Variants in EYA4 observed in about 807,000 individuals in gnomAD.
EYA4 encodes EYA transcriptional coactivator and phosphatase 4.
In EYA4, 31 loss-of-function variants were observed where a neutral mutation model predicts 87.9. The observed-to-expected ratio is 0.35, with a 90% CI of 0.27 to 0.48. EYA4 has a LOEUF of 0.48. Ranked by LOEUF, EYA4 falls within the 20% of genes least tolerant of loss-of-function variation. EYA4 has a pLI of 0.99. For missense variants in EYA4, 678 were observed against 761.4 expected (o/e 0.89, Z 1.29); for synonymous variants, 263 against 270.6 (o/e 0.97, Z 0.28).
intron 2 of EYA4, among the ~76,000 whole-genome samples, chr6:133,330,064 G>C (rs1266797329): frequency 3.3e-5 from 5 of 151,926 alleles, no homozygotes; most frequent in African/African-American, 9.7e-5. Flanking sequence ...AAAAAGAAAA[G>C]GAATGGAAGG....
intron 1 of EYA4, among the ~76,000 whole-genome samples, chr6:133,263,409 C>G (rs191437930): frequency 6.6e-6 from 1 of 151,884 alleles, no homozygotes; most frequent in African/African-American, 2.4e-5. Context: ...TCCTCTTTCT[C>G]GGTCAGTTCT....
chr6:133,406,877 C>G (rs1428370825), intron 3 of EYA4, among the ~76,000 whole-genome samples: 1 of 152,000 alleles, frequency 6.6e-6, no homozygotes, highest in African/African-American at 2.4e-5. Flanking sequence ...GGGAGAAATG[C>G]AGAATAATTT....
At chr6:133,256,924 T>A (rs986215075) in intron 1 of EYA4, among the ~76,000 whole-genome samples, 27 of 152,110 alleles carry the variant, frequency 1.8e-4, no homozygotes, top group African/African-American at 6.3e-4. Context: ...TCCTCTTGCA[T>A]TGAATAAATA....
chr6:133,466,803 A>G (rs1430482385), intron 10 of EYA4, among the ~76,000 whole-genome samples: 1 of 150,594 alleles, frequency 6.6e-6, no homozygotes, highest in African/African-American at 2.4e-5. Context: ...GAGTTCAGTT[A>G]GTGCATGAGG....
chr6:133,435,561 C>T (rs1791581230), intron 3 of EYA4: 1 of 152,224 alleles, frequency 6.6e-6, no homozygotes, highest in South Asian at 2.1e-4. Context: ...AGCCACATCT[C>T]CCAGCCAGCC....
chr6:133,264,301 A>G (rs915714414), intron 1 of EYA4, among the ~76,000 whole-genome samples: 3 of 152,244 alleles, frequency 2.0e-5, no homozygotes, highest in African/African-American at 7.2e-5. Flanking sequence ...AGACACTGCC[A>G]TGGCTGCAGG....
At chr6:133,250,719 T>G (rs1774827894) in intron 1 of EYA4, among the ~76,000 whole-genome samples, 1 of 152,178 alleles carries the variant, frequency 6.6e-6, no homozygotes, top group Admixed American at 6.5e-5. Flanking sequence ...CTAACATTGA[T>G]GAGTTTGTAA....
intron 10 of EYA4, among the ~76,000 whole-genome samples, chr6:133,467,157 G>A (rs1316541759): frequency 6.6e-6 from 1 of 152,120 alleles, no homozygotes; most frequent in Non-Finnish European, 1.5e-5. Flanking sequence ...ATATTCCCCA[G>A]TGGGGAATAG....
At chr6:133,468,855 T>C in intron 11 of EYA4, 124 bp downstream of exon 11, 1 of 977,630 alleles carries the variant, frequency 1.0e-6, no homozygotes, top group Non-Finnish European at 1.6e-6. Context: ...GTTTAATCTG[T>C]GTTAGCATGA....
At chr6:133,342,574 C>CATATATCTATATATAT (rs1782862778) in intron 2 of EYA4, among the ~76,000 whole-genome samples, 1 of 100,470 alleles carries the variant, frequency 1.0e-5, no homozygotes, top group Non-Finnish European at 2.0e-5. Context: ...TACACACTGC[C>CATATATCTATATATAT]ATATATATAT....
At chr6:133,357,247 G>A (rs1784128988) in intron 2 of EYA4, among the ~76,000 whole-genome samples, 1 of 133,316 alleles carries the variant, frequency 7.5e-6, no homozygotes, top group African/African-American at 3.1e-5. Context: ...CTCCAGCCTG[G>A]GCGACAGAGC....
intron 6 of EYA4, among the ~76,000 whole-genome samples, chr6:133,458,188 G>A (rs952759342): frequency 3.3e-5 from 5 of 152,068 alleles, no homozygotes; most frequent in Non-Finnish European, 7.4e-5. Context: ...ATCTAGGGAC[G>A]TGCTGTCCAG....
chr6:133,327,440 A>G (rs1273756128), intron 2 of EYA4, among the ~76,000 whole-genome samples: 1 of 152,068 alleles, frequency 6.6e-6, no homozygotes, highest in Non-Finnish European at 1.5e-5. Flanking sequence ...TCTTTAAAAT[A>G]TTTTTTTAAG....
chr6:133,357,659 A>G (rs1784168593), intron 2 of EYA4, among the ~76,000 whole-genome samples: 1 of 152,158 alleles, frequency 6.6e-6, no homozygotes, highest in Non-Finnish European at 1.5e-5. Context: ...TCACAGACAC[A>G]GGAGCCCATT....
intron 13 of EYA4, among the ~76,000 whole-genome samples, chr6:133,497,421 A>G (rs189309428): frequency 5.1e-4 from 77 of 152,174 alleles, no homozygotes; most frequent in African/African-American, 1.7e-3. Context: ...TCACTTTTTG[A>G]CCCTGTTCAA....
At chr6:133,339,611 C>T (rs1232431919) in intron 2 of EYA4, among the ~76,000 whole-genome samples, 3 of 152,056 alleles carry the variant, frequency 2.0e-5, no homozygotes, top group Non-Finnish European at 2.9e-5. Context: ...AAAGGATGAC[C>T]ATGGATTCTT....
chr6:133,283,849 G>C (rs1777823205), intron 2 of EYA4, among the ~76,000 whole-genome samples: 1 of 152,048 alleles, frequency 6.6e-6, no homozygotes, highest in South Asian at 2.1e-4. Flanking sequence ...TTCTCCAGTG[G>C]TCTCCAAAGG....
chr6:133,462,937 G>A (rs372845763), intron 9 of EYA4, among the ~76,000 whole-genome samples, 173 bp downstream of exon 9: 1 of 152,160 alleles, frequency 6.6e-6, no homozygotes, highest in Non-Finnish European at 1.5e-5. Context: ...TTGAGTATAC[G>A]TCAGGAAACA....
chr6:133,525,960 T>C (rs1800601387), intron 19 of EYA4: 1 of 982,416 alleles, frequency 1.0e-6, no homozygotes, highest in Non-Finnish European at 1.2e-6. Flanking sequence ...TGGTACTTGA[T>C]TGAAGCCAAG....
Sources: gnomAD v4.1 joint callset for allele counts (sites outside exome capture counted in the v4.1 genomes callset) on GRCh38, gnomAD v4.1.1 for gene constraint, MANE v1.5 for transcripts, NCBI Gene and HGNC (gene_info 2026-07-23, HGNC 2026-07-21) for gene names.